The following TMEM117 variants were observed in gnomAD, a reference collection of about 807,000 sequenced individuals.
TMEM117 encodes transmembrane protein 117.
In TMEM117, 27 loss-of-function variants were observed where a neutral mutation model predicts 52.4. The ratio of observed to expected loss-of-function variants is 0.51; its 90% confidence interval spans 0.38 to 0.71. TMEM117 has a LOEUF of 0.71. TMEM117 is among the 30% of genes least tolerant of loss of function. The pLI is 0.00. For synonymous variants in TMEM117, 215 were observed against 206.3 expected, an observed-to-expected ratio of 1.04 and a Z score of -0.36; for missense variants, 556 against 630.5, an observed-to-expected ratio of 0.88 and a Z score of 1.26.
chr12:43,855,124 G>C (rs1943377693), intron 2 of TMEM117, among the ~76,000 whole-genome samples: 1 of 152,202 alleles, frequency 6.6e-6, no homozygotes, highest in Admixed American at 6.5e-5. Flanking sequence ...AGTAAGTTCA[G>C]GTTAGGTGTT....
intron 2 of TMEM117, among the ~76,000 whole-genome samples, chr12:43,909,071 T>C (rs1944444751): frequency 1.6e-5 from 1 of 64,326 alleles, no homozygotes; most frequent in African/African-American, 3.2e-5. Context: ...ACCACACCTA[T>C]TCCAAAATTG....
intron 6 of TMEM117, among the ~76,000 whole-genome samples, chr12:44,356,447 T>A (rs1951649739): frequency 6.6e-6 from 1 of 152,114 alleles, no homozygotes; most frequent in Admixed American, 6.6e-5. Flanking sequence ...CACTAGGTAT[T>A]CAACTGAGTT....
At chr12:44,133,985 A>G (rs1263228264) in intron 3 of TMEM117, among the ~76,000 whole-genome samples, 1 of 152,186 alleles carries the variant, frequency 6.6e-6, no homozygotes, top group Non-Finnish European at 1.5e-5. Flanking sequence ...GGTCTTCAGA[A>G]ATGCAGCCTC....
chr12:44,277,293 T>C (rs1246365969), intron 5 of TMEM117, among the ~76,000 whole-genome samples: 2 of 152,208 alleles, frequency 1.3e-5, no homozygotes, highest in Non-Finnish European at 2.9e-5. Flanking sequence ...ATTTCTTTTC[T>C]ACATCTGGAC....
intron 5 of TMEM117, among the ~76,000 whole-genome samples, chr12:44,283,195 G>A (rs747496850): frequency 5.9e-5 from 9 of 152,246 alleles, no homozygotes; most frequent in Non-Finnish European, 8.8e-5. Context: ...GAAGGGAAAT[G>A]TGGGGTCAGA....
chr12:43,990,954 T>C (rs1304467995), intron 3 of TMEM117, among the ~76,000 whole-genome samples: 1 of 152,222 alleles, frequency 6.6e-6, no homozygotes, highest in Admixed American at 6.5e-5. Context: ...AAAGTGGACT[T>C]AAGAATTTAA....
chr12:44,183,605 C>A (rs905748171), intron 4 of TMEM117, among the ~76,000 whole-genome samples: 4 of 152,002 alleles, frequency 2.6e-5, no homozygotes, highest in Non-Finnish European at 5.9e-5. Context: ...AGTAGCAAGC[C>A]TAGAGATCAC....
intron 4 of TMEM117, among the ~76,000 whole-genome samples, chr12:44,172,878 C>A (rs571717412): frequency 6.6e-6 from 1 of 152,062 alleles, no homozygotes; most frequent in Non-Finnish European, 1.5e-5. Context: ...GTGCATGCCA[C>A]CACGCCCGGC....
chr12:44,388,271 C>T lies in TMEM117; in HGVS notation c.1144C>T (p.His382Tyr), dbSNP rs142858307. 23 of 1,613,502 alleles carry T rather than the reference C, an allele frequency of 1.4e-5. No individual in the cohort carries two copies. In the African/African-American group the frequency reaches 2.8e-4, roughly 20 times the overall value. ...KTYVEGDMFL[H>Y]SRFIGASLDV... ...ATATGTTGAGGGAGACATGTTCTTA[C>T]ACAGCAGGTTCATAGGAGCCAGTCT... Residue 382 changes from histidine (H) to tyrosine (Y), a missense_variant, in exon 8 of 8, where the codon CAC becomes TAC. Transcript: ENST00000266534.
the TMEM117 span, among the ~76,000 whole-genome samples, chr12:43,801,753 GAC>G: frequency 6.6e-6 from 1 of 152,150 alleles, no homozygotes; most frequent in African/African-American, 2.4e-5. Flanking sequence ...AATTAGGTTG[GAC>G]ACAGTGGCTC....
chr12:43,978,941 T>C (rs1945716599), intron 3 of TMEM117, among the ~76,000 whole-genome samples: 1 of 151,230 alleles, frequency 6.6e-6, no homozygotes, highest in African/African-American at 2.4e-5. Context: ...ACAATTGGAC[T>C]GAATATTTTG....
At chr12:44,384,419 C>T (rs1171036638) in intron 7 of TMEM117, among the ~76,000 whole-genome samples, 2 of 152,026 alleles carry the variant, frequency 1.3e-5, no homozygotes, top group Non-Finnish European at 2.9e-5. Context: ...TCTGCACTTC[C>T]CCACCCCCAC....
intron 3 of TMEM117, among the ~76,000 whole-genome samples, chr12:43,979,021 G>A (rs1005649934): frequency 1.7e-4 from 26 of 151,564 alleles, no homozygotes; most frequent in African/African-American, 5.6e-4. Flanking sequence ...TTTGCTGCAG[G>A]AGTTAAATGC....
chr12:44,381,164 T>C (rs1331345744), intron 7 of TMEM117, among the ~76,000 whole-genome samples: 1 of 152,192 alleles, frequency 6.6e-6, no homozygotes, highest in Non-Finnish European at 1.5e-5. Flanking sequence ...AAATAAATCA[T>C]TTCTATCCAA....
chr12:43,951,936 G>C (rs1365126270), intron 3 of TMEM117, among the ~76,000 whole-genome samples: 2 of 152,146 alleles, frequency 1.3e-5, no homozygotes, highest in Non-Finnish European at 2.9e-5. Context: ...CCTTTCAGAG[G>C]AAGGAGCAGG....
chr12:44,043,754 G>T (rs1946837558), intron 3 of TMEM117, among the ~76,000 whole-genome samples: 1 of 152,120 alleles, frequency 6.6e-6, no homozygotes, highest in Non-Finnish European at 1.5e-5. Context: ...CCCATGAGGA[G>T]GAGCACTACA....
intron 4 of TMEM117, among the ~76,000 whole-genome samples, chr12:44,153,003 C>T (rs1162427701): frequency 6.6e-6 from 1 of 150,928 alleles, no homozygotes; most frequent in African/African-American, 2.4e-5. Context: ...GAGGTGCTAA[C>T]TAAAAGGTAA....
intron 3 of TMEM117, among the ~76,000 whole-genome samples, chr12:43,961,811 G>A (rs973886293): frequency 3.3e-5 from 5 of 152,062 alleles, no homozygotes; most frequent in African/African-American, 1.2e-4. Flanking sequence ...TCTTCCCAGT[G>A]GTGAGTATGT....
chr12:43,976,860 C>G (rs1945679356), intron 3 of TMEM117, among the ~76,000 whole-genome samples: 1 of 152,116 alleles, frequency 6.6e-6, no homozygotes, highest in African/African-American at 2.4e-5. Flanking sequence ...GCTTTGCATC[C>G]TAGAATTAGT....
Sources: allele counts gnomAD v4.1 joint callset (sites outside exome capture counted in the v4.1 genomes callset), GRCh38; gene constraint gnomAD v4.1.1; transcripts MANE v1.5; gene names NCBI Gene and HGNC (gene_info 2026-07-23, HGNC 2026-07-21).